The following THEM4 variants were observed in gnomAD, a reference collection of about 807,000 sequenced individuals.
The protein encoded by THEM4 is thioesterase superfamily member 4.
In THEM4, 22 loss-of-function variants were observed where a neutral mutation model predicts 25.0. The ratio of observed to expected loss-of-function variants is 0.88; its 90% CI spans 0.63 to 1.26. The LOEUF is 1.26. Among genes scored for constraint, THEM4 ranks in the 50% most tolerant of loss-of-function variants. The pLI is 0.00. For synonymous variants in THEM4, 113 were observed against 105.6 expected, an observed-to-expected ratio of 1.07 and a Z score of -0.43; for missense variants, 286 against 300.3, an observed-to-expected ratio of 0.95 and a Z score of 0.35.
At position 151,883,094 on chromosome 1, in the gene THEM4, T is replaced by TTTTATTTATTTATTTATTTA. The variant is rs10639543; in HGVS notation, c.557+5159_557+5178dup. On this transcript the variant is annotated intron_variant, in intron 4 of 5. Transcript: ENST00000368814. ...GTGCAAGGGGGGATCTGTCAAATGC[T>TTTTATTTATTTATTTATTTA]TTTATTTATTTATTTATTTATTTAT... 8.2e-4 allele frequency among the ~76,000 whole-genome samples: 113 copies of TTTTATTTATTTATTTATTTA among 138,348 alleles called. 1 individual carries two copies. The Middle Eastern group carries it at 0.014, about 17-fold the overall frequency. 90.8% of individuals were successfully genotyped at this position (138,348 alleles called of 152,430 possible).
At chr1:151,898,169 C>G (rs943938121) in intron 1 of THEM4, among the ~76,000 whole-genome samples, 4 of 152,154 alleles carry the variant, frequency 2.6e-5, no homozygotes, top group Admixed American at 6.5e-5. Flanking sequence ...TCTTTTGCAG[C>G]TGGGAGGTGG....
At chr1:151,900,972 T>C (rs902593797) in intron 1 of THEM4, among the ~76,000 whole-genome samples, 4 of 152,264 alleles carry the variant, frequency 2.6e-5, no homozygotes, top group Non-Finnish European at 5.9e-5. Flanking sequence ...GCATGAGCAA[T>C]CTGTGCCTTA....
At position 151,895,203 on chromosome 1, in the gene THEM4, CAGA is replaced by C; in HGVS notation, c.100-12_100-10del. The C allele has an allele frequency of 1.3e-6, 2 of 1,591,396 alleles. No individual in the cohort carries two copies. Among genetic ancestry groups the C allele is most frequent in the Non-Finnish European group, 1.7e-6 (2 of 1,174,284 alleles). On this transcript the variant is annotated splice_polypyrimidine_tract_variant and intron_variant, in intron 1 of 5. Coordinates refer to ENST00000368814, the MANE Select transcript of THEM4 (RefSeq NM_053055.5). ...TCAGAAGAAAATGACCTCTAAAAGA[CAGA>C]AGAAAAAGAAAAGTAAGTAATGGGA...
chr1:151,874,537 G>A lies in THEM4; in HGVS notation c.*351C>T. ...CTACAGGCGTACGCCACCATGCCTG[G>A]ATAATTTTTTGTATTTTAGTAGAGA... On this transcript the variant is annotated 3_prime_UTR_variant, in exon 6 of 6. Coordinates refer to ENST00000368814, the MANE Select transcript of THEM4 (RefSeq NM_053055.5). 1 of 241,098 alleles carries A rather than the reference G, an allele frequency of 4.1e-6. No homozygotes were observed. Among genetic ancestry groups the A allele is most frequent in the South Asian group, 7.8e-5 (1 of 12,818 alleles). The allele number at this position is 241,098 out of a possible 1,614,324, so 14.9% of individuals were successfully genotyped here.
intron 4 of THEM4, among the ~76,000 whole-genome samples, chr1:151,886,023 G>C (rs1294460633): frequency 6.6e-6 from 1 of 152,066 alleles, no homozygotes; most frequent in East Asian, 1.9e-4. Context: ...AAAAAACAGA[G>C]AGTGATAAAT....
intron 1 of THEM4, among the ~76,000 whole-genome samples, chr1:151,908,001 A>G (rs1486922757): frequency 3.3e-5 from 5 of 152,208 alleles, no homozygotes; most frequent in African/African-American, 4.8e-5. Context: ...AGGTGCCTGC[A>G]GTCTCCCCCT....
chr1:151,877,908 C>T (rs753038694), intron 4 of THEM4, among the ~76,000 whole-genome samples: 3 of 152,058 alleles, frequency 2.0e-5, no homozygotes, highest in Admixed American at 6.6e-5. Context: ...AGCACGGAAA[C>T]GTGTTTCGTG....
At position 151,877,010 on chromosome 1, in the gene THEM4, C is replaced by CT; in HGVS notation, c.672dup (p.Glu225ArgfsTer13). 5 of 1,607,280 alleles carry CT rather than the reference C, an allele frequency of 3.1e-6. No individual in the cohort carries two copies. Among genetic ancestry groups the CT allele is most frequent in the Non-Finnish European group, 4.2e-6 (5 of 1,177,726 alleles). ...AAGACCAGCTTCTTACTTGTCGCCT[C>CT]TGAGTATAGGGTCTTCTCATCAACA... is the stretch of plus-strand genomic sequence containing the variant. On this transcript the variant is annotated frameshift_variant, in exon 5 of 6. Coordinates refer to ENST00000368814, the MANE Select transcript of THEM4 (RefSeq NM_053055.5). LOFTEE classifies it high-confidence loss of function.
At chr1:151,888,966 C>T (rs1410073317) in intron 3 of THEM4, among the ~76,000 whole-genome samples, 3 of 152,062 alleles carry the variant, frequency 2.0e-5, no homozygotes, top group African/African-American at 7.2e-5. Flanking sequence ...TAATGATATG[C>T]TCTCAAATTA....
chr1:151,895,389 T>C (rs1286863611), intron 1 of THEM4, among the ~76,000 whole-genome samples, 195 bp from the exon 2 acceptor site: 1 of 152,170 alleles, frequency 6.6e-6, no homozygotes, highest in Non-Finnish European at 1.5e-5. Flanking sequence ...GGGAAAATGA[T>C]TTGCTCAACA....
intron 4 of THEM4, among the ~76,000 whole-genome samples, chr1:151,886,191 A>G (rs975924838): frequency 1.3e-5 from 2 of 152,214 alleles, no homozygotes; most frequent in African/African-American, 4.8e-5. Context: ...CTCTATCCAT[A>G]TGACTTCAGG....
At chr1:151,884,638 G>C (rs1336470267) in intron 4 of THEM4, among the ~76,000 whole-genome samples, 1 of 151,540 alleles carries the variant, frequency 6.6e-6, no homozygotes, top group Non-Finnish European at 1.5e-5. Context: ...CCTATTCACT[G>C]AGGTATTTTT....
intron 1 of THEM4, among the ~76,000 whole-genome samples, chr1:151,897,902 A>C (rs1291991340): frequency 4.0e-5 from 1 of 25,084 alleles, no homozygotes; most frequent in African/African-American, 1.4e-4. Flanking sequence ...AAGCTGAGCG[A>C]AATACAGGGT....
chr1:151,877,430 G>T (rs2101715268), intron 4 of THEM4, among the ~76,000 whole-genome samples: 1 of 152,324 alleles, frequency 6.6e-6, no homozygotes, highest in Admixed American at 6.5e-5. Flanking sequence ...CCCATCTGGA[G>T]ATCCACTGCA....
chr1:151,878,965 G>GA (rs1170825213), intron 4 of THEM4, among the ~76,000 whole-genome samples: 2 of 139,022 alleles, frequency 1.4e-5, no homozygotes, highest in African/African-American at 5.4e-5. Context: ...ATAACTCTTT[G>GA]AAAAGACTAA....
Position 151,873,667 on chromosome 1 carries a change from A to C in THEM4, c.*1221T>G, listed in dbSNP as rs1268147336. On this transcript the variant is annotated 3_prime_UTR_variant, in exon 6 of 6. Coordinates refer to ENST00000368814, the MANE Select transcript of THEM4 (RefSeq NM_053055.5). ...AAAATGAGGTCATTCAGGTGGGTCC[A>C]TTATGACTGGTTTCCTTATAAAAAG... The C allele has an allele frequency of 2.6e-5, 4 of 152,416 alleles. No homozygotes were observed. Among genetic ancestry groups the C allele is most frequent in the Admixed American group, 2.6e-4 (4 of 15,306 alleles). 9.4% of individuals were successfully genotyped at this position (152,416 alleles called of 1,614,324 possible). A position where few individuals can be genotyped will look rare whatever the true frequency, so the allele number is the denominator to read the frequency against.
At chr1:151,901,828 A>G (rs1301286809) in intron 1 of THEM4, among the ~76,000 whole-genome samples, 1 of 152,168 alleles carries the variant, frequency 6.6e-6, no homozygotes, top group Non-Finnish European at 1.5e-5. Flanking sequence ...GGGCAACAAG[A>G]GCGAAACTCT....
At chr1:151,892,450 G>A (rs1233048145) in intron 2 of THEM4, among the ~76,000 whole-genome samples, 1 of 152,126 alleles carries the variant, frequency 6.6e-6, no homozygotes, top group African/African-American at 2.4e-5. Flanking sequence ...GATTGTGCTG[G>A]GATAAGGACA....
At chr1:151,893,083 A>G (rs1465883781) in intron 2 of THEM4, among the ~76,000 whole-genome samples, 1 of 152,168 alleles carries the variant, frequency 6.6e-6, no homozygotes, top group Admixed American at 6.6e-5. Flanking sequence ...GAGTGGGTTC[A>G]AGATAGGCTG....
Sources: allele counts gnomAD v4.1 joint callset (sites outside exome capture counted in the v4.1 genomes callset), GRCh38; gene constraint gnomAD v4.1.1; transcripts MANE v1.5; gene names NCBI Gene and HGNC (gene_info 2026-07-23, HGNC 2026-07-21).